The following NADK2 variants were observed in gnomAD, a reference collection of about 807,000 sequenced individuals.
The protein encoded by NADK2 is NAD kinase 2, mitochondrial, also known as NAD kinase domain-containing protein 1, mitochondrial.
A neutral mutation model predicts 62.1 loss-of-function variants in NADK2; 35 were observed. That is an observed-to-expected ratio of 0.56 (90% CI 0.43 to 0.75). The LOEUF is 0.75. Among genes scored for constraint, NADK2 ranks in the 30% least tolerant of loss-of-function variants. The probability of loss-of-function intolerance (pLI) is 0.00; values close to 1 mark genes in which losing one functional copy is unlikely to be tolerated. For missense variants in NADK2, 439 were observed against 561.3 expected, an observed-to-expected ratio of 0.78 and a Z score of 2.20; for synonymous variants, 205 against 207.9, an observed-to-expected ratio of 0.99 and a Z score of 0.12.
chr5:36,219,049 T>C (rs1747151303), intron 5 of NADK2, among the ~76,000 whole-genome samples: 1 of 152,260 alleles, frequency 6.6e-6, no homozygotes, highest in Admixed American at 6.5e-5. Flanking sequence ...TGCAGTTATA[T>C]TATAGGCCAA....
At chr5:36,209,500 T>C (rs1746761224) in intron 7 of NADK2, among the ~76,000 whole-genome samples, 1 of 152,134 alleles carries the variant, frequency 6.6e-6, no homozygotes, top group Admixed American at 6.5e-5. Flanking sequence ...TTTTTATCAT[T>C]GCATTTATTT....
chr5:36,225,123 G>A (rs1172982005), intron 4 of NADK2, among the ~76,000 whole-genome samples: 2 of 152,064 alleles, frequency 1.3e-5, no homozygotes, highest in African/African-American at 4.8e-5. Context: ...GTGAGAACTG[G>A]TCCATCCTAT....
chr5:36,207,380 A>T, intron 7 of NADK2, 115 bp from the exon 8 acceptor site: 1 of 688,830 alleles, frequency 1.5e-6, no homozygotes, highest in Non-Finnish European at 2.5e-6. Flanking sequence ...GAAATACTTG[A>T]CTTAGTAGGC....
At chr5:36,227,941 T>C (rs1747545419) in intron 1 of NADK2, among the ~76,000 whole-genome samples, 1 of 151,520 alleles carries the variant, frequency 6.6e-6, no homozygotes, top group African/African-American at 2.4e-5. Context: ...GCCTCCCTGG[T>C]TCATGCCATT....
At position 36,219,646 on chromosome 5, in the gene NADK2, A is replaced by G. The variant is rs980270066; in HGVS notation, c.594T>C (p.Tyr198=). 7 of 1,613,984 alleles carry G rather than the reference A, an allele frequency of 4.3e-6. No homozygotes were observed. The highest frequency in any genetic ancestry group is 1.3e-5 in the African/African-American group (1 of 74,944). Residue 198 remains tyrosine (Y), a synonymous_variant, in exon 5 of 12, where the codon TAT becomes TAC. Transcript: ENST00000381937. ...GTAAGGCTTCTGGAAAGGAATGTGT[A>G]TATCGAACGGGCAGGCATAAATGAC... ...SEGHLCLPVR[Y]THSFPEALQK... is the part of the protein sequence containing the mutation.
At chr5:36,207,130 A>T in intron 8 of NADK2, 40 bp downstream of exon 8, 1 of 1,517,082 alleles carries the variant, frequency 6.6e-7, no homozygotes, top group South Asian at 1.1e-5. Flanking sequence ...TACTAAAAGT[A>T]TTTCACAAAA....
chr5:36,234,928 T>C (rs1413284219), intron 1 of NADK2, among the ~76,000 whole-genome samples: 2 of 152,170 alleles, frequency 1.3e-5, no homozygotes, highest in Non-Finnish European at 2.9e-5. Context: ...GGATCACTTA[T>C]AAATATTTAT....
intron 9 of NADK2, among the ~76,000 whole-genome samples, chr5:36,200,609 C>T (rs1434143599): frequency 6.6e-6 from 1 of 151,912 alleles, no homozygotes; most frequent in Non-Finnish European, 1.5e-5. Flanking sequence ...TCAAATTGCA[C>T]ATCATTCTGA....
chr5:36,238,082 C>T (rs1285394456), intron 1 of NADK2, among the ~76,000 whole-genome samples: 1 of 152,158 alleles, frequency 6.6e-6, no homozygotes, highest in Non-Finnish European at 1.5e-5. Flanking sequence ...TCTGGCAGTA[C>T]TCCAAATCAT....
chr5:36,215,252 C>T (rs1222003611), intron 6 of NADK2, among the ~76,000 whole-genome samples: 1 of 152,040 alleles, frequency 6.6e-6, no homozygotes, highest in Admixed American at 6.6e-5. Context: ...CTTTGTGGGT[C>T]CTTTCAATTC....
intron 1 of NADK2, among the ~76,000 whole-genome samples, chr5:36,238,905 T>TA (rs905569118): frequency 6.6e-6 from 1 of 152,200 alleles, no homozygotes; most frequent in Non-Finnish European, 1.5e-5. Flanking sequence ...CCTTATCAAC[T>TA]AAAAAATATT....
Position 36,199,064 on chromosome 5 carries a change from G to T in NADK2, c.1066+1163C>A, listed in dbSNP as rs911922782. 3.5e-4 allele frequency among the ~76,000 whole-genome samples: 53 copies of T among 151,804 alleles called. 1 individual carries two copies. Among genetic ancestry groups the T allele is most frequent in the Non-Finnish European group, 1.6e-4 (11 of 67,930 alleles). ...TGGGGACTGTTGTGGGGTAGGGGGTGGGGGGAGGAATAGCATTAGGAGATA... is the reference window on the plus strand; with the variant it reads ...TGGGGACTGTTGTGGGGTAGGGGGTTGGGGGAGGAATAGCATTAGGAGATA... On this transcript the variant is annotated intron_variant, in intron 10 of 11. Coordinates refer to ENST00000381937, the MANE Select transcript of NADK2 (RefSeq NM_001085411.3).
intron 7 of NADK2, among the ~76,000 whole-genome samples, chr5:36,207,864 T>A (rs1746697777): frequency 1.3e-5 from 2 of 152,084 alleles, no homozygotes; most frequent in African/African-American, 4.8e-5. Context: ...TTTCTTGGGA[T>A]TTACATTTCT....
intron 11 of NADK2, among the ~76,000 whole-genome samples, chr5:36,196,401 T>C (rs570473895): frequency 6.6e-6 from 1 of 152,168 alleles, no homozygotes; most frequent in Non-Finnish European, 1.5e-5. Context: ...ATCATGTTTT[T>C]TGTGTTTATT....
chr5:36,238,137 T>C (rs1473972002), intron 1 of NADK2, among the ~76,000 whole-genome samples: 1 of 152,210 alleles, frequency 6.6e-6, no homozygotes, highest in Non-Finnish European at 1.5e-5. Context: ...AATATACTTA[T>C]TGCATACAAT....
chr5:36,198,306 A>C (rs1255494288), intron 10 of NADK2, among the ~76,000 whole-genome samples: 2 of 152,036 alleles, frequency 1.3e-5, no homozygotes, highest in East Asian at 3.9e-4. Context: ...AGACTGTCAG[A>C]TAATCTACCT....
rs1432476772 is a variant in NADK2 at position 36,241,367 on chromosome 5, C to T, written c.300+132G>A. ...GGGAGAAGCCAGAGGACCTGGGGGC[C>T]GCGAGAGAGGCAGGACCGGCATCTG... On this transcript the variant is annotated intron_variant, in intron 1 of 11. Transcript: ENST00000381937. The surrounding 1 kb of genome is among the most constrained non-coding windows in gnomAD (Gnocchi z 4.9). 2 of 1,340,596 alleles carry T rather than the reference C, an allele frequency of 1.5e-6. No individual in the cohort carries two copies. The allele number at this position is 1,340,596 out of a possible 1,614,324, so 83.0% of individuals were successfully genotyped here.
intron 1 of NADK2, among the ~76,000 whole-genome samples, chr5:36,230,636 T>C (rs1044756889): frequency 1.3e-5 from 2 of 152,216 alleles, no homozygotes; most frequent in African/African-American, 4.8e-5. Flanking sequence ...CAGAAGCAGA[T>C]GCTACAGAAG....
chr5:36,237,136 C>T (rs13179201), intron 1 of NADK2, among the ~76,000 whole-genome samples: 74,151 of 152,002 alleles, frequency 0.49, 19,189 homozygotes, highest in Non-Finnish European at 0.58. Context: ...ACTTTATATG[C>T]ACAAGGCTTT....
Sources: allele counts gnomAD v4.1 joint callset (sites outside exome capture counted in the v4.1 genomes callset), GRCh38; gene constraint gnomAD v4.1.1; non-coding constraint Gnocchi (gnomAD v3.1); transcripts MANE v1.5; gene names NCBI Gene and HGNC (gene_info 2026-07-23, HGNC 2026-07-21).